PHLDB2: variants seen among roughly 807,000 people sequenced by gnomAD.
PHLDB2 encodes the protein pleckstrin homology like domain family B member 2, also known as pleckstrin homology-like domain family B member 2.
In PHLDB2, 71 loss-of-function variants were observed where a neutral mutation model predicts 123.6. That is an observed-to-expected ratio of 0.57 (90% CI 0.47 to 0.70). The LOEUF (loss-of-function observed/expected upper bound fraction) is 0.70. Ranked by LOEUF, PHLDB2 falls within the 30% of genes least tolerant of loss-of-function variation. The probability of loss-of-function intolerance (pLI) is 0.00; values close to 1 mark genes in which losing one functional copy is unlikely to be tolerated. For missense variants in PHLDB2, 1,446 were observed against 1,519.5 expected (o/e 0.95, Z 0.80); for synonymous variants, 547 against 541.6 (o/e 1.01, Z -0.14).
chr3:111,924,409 G>A (rs138320271), intron 5 of PHLDB2, among the ~76,000 whole-genome samples: 16 of 152,366 alleles, frequency 1.1e-4, no homozygotes, highest in East Asian at 3.9e-4. Context: ...GTGTGCTTAC[G>A]AATATTGTTG....
At chr3:111,948,878 G>A in intron 9 of PHLDB2, 54 bp from the exon 10 acceptor site, 11 of 1,570,716 alleles carry the variant, frequency 7.0e-6, no homozygotes, top group South Asian at 2.2e-5. Context: ...TAATACTCTC[G>A]CATGCCTCAG....
chr3:111,794,393 T>A (rs1038627013), intron 1 of PHLDB2, among the ~76,000 whole-genome samples: 1 of 152,202 alleles, frequency 6.6e-6, no homozygotes, highest in South Asian at 2.1e-4. Context: ...GTGTTGGCAA[T>A]TCAAGACAGT....
At chr3:111,955,032 A>G (rs563981636) in intron 12 of PHLDB2, among the ~76,000 whole-genome samples, 47 of 151,492 alleles carry the variant, frequency 3.1e-4, no homozygotes, top group African/African-American at 1.0e-3. Flanking sequence ...TCAGGGGAAA[A>G]TATATATATA....
chr3:111,817,013 T>A (rs1336284683), intron 1 of PHLDB2, among the ~76,000 whole-genome samples: 1 of 152,234 alleles, frequency 6.6e-6, no homozygotes, highest in African/African-American at 2.4e-5. Context: ...ACACCATCCA[T>A]GCAAGACATG....
At chr3:111,762,250 A>T (rs1576534716) in intron 1 of PHLDB2, among the ~76,000 whole-genome samples, 1 of 152,248 alleles carries the variant, frequency 6.6e-6, no homozygotes, top group East Asian at 1.9e-4. Flanking sequence ...ACTGTTGTGA[A>T]GTTTAAAGAA....
intron 1 of PHLDB2, among the ~76,000 whole-genome samples, chr3:111,747,978 G>C (rs771052995): frequency 6.6e-6 from 1 of 152,202 alleles, no homozygotes. Context: ...GTCCTACAGA[G>C]CTGGGATTAA....
chr3:111,891,899 G>A (rs1349192881), intron 2 of PHLDB2, among the ~76,000 whole-genome samples: 1 of 152,150 alleles, frequency 6.6e-6, no homozygotes, highest in Non-Finnish European at 1.5e-5. Context: ...AAACCCTGAT[G>A]CTTTTAAGAG....
In PHLDB2 at chr3:111,745,984, G is replaced by C. The variant is rs1452836717; in HGVS notation, c.-49+13281G>C. ...AGAAGCAGGAACAACATTTTTCAGA[G>C]TGCTTACCCCACATGGTTTCAGATT... On this transcript the variant is annotated intron_variant, in intron 1 of 17. Transcript: ENST00000393923. Among the ~76,000 whole-genome samples the C allele has an allele frequency of 2.6e-5, 4 of 152,228 alleles. No homozygotes were observed. The East Asian group carries it at 5.8e-4, about 22-fold the overall frequency.
In PHLDB2 at chr3:111,850,024, G is replaced by A. The variant is rs12488995; in HGVS notation, c.67+4089G>A. Among the ~76,000 whole-genome samples, 3,296 of 152,066 alleles carry A rather than the reference G, an allele frequency of 0.022. 245 individuals are homozygous for A. In the East Asian group the frequency reaches 0.23, roughly 11 times the overall value. ...CTACAGGCGCCCACCACCACACCCAGCTAATTTTTTGTATTTTTAGTAGAG... is the reference window on the plus strand; with the variant it reads ...CTACAGGCGCCCACCACCACACCCAACTAATTTTTTGTATTTTTAGTAGAG... On this transcript the variant is annotated intron_variant, in intron 2 of 17. Coordinates refer to the PHLDB2 transcript ENST00000393923.
At position 111,859,489 on chromosome 3, in the gene PHLDB2, G is replaced by A; in HGVS notation, c.-102G>A. The A allele has an allele frequency of 1.0e-6, 1 of 985,618 alleles. No homozygotes were observed. Among genetic ancestry groups the A allele is most frequent in the Non-Finnish European group, 1.2e-6 (1 of 830,064 alleles). The allele number at this position is 985,618 out of a possible 1,614,324, so 61.1% of individuals were successfully genotyped here. A position where few individuals can be genotyped will look rare whatever the true frequency, so the allele number is the denominator to read the frequency against. ...GAGCCCACCATTGCGGCCCGAGGGG[G>A]ACCCGACGGGGGCCCGACGGTGTGG... On this transcript the variant is annotated 5_prime_UTR_variant, in exon 1 of 18. Coordinates refer to ENST00000431670, the MANE Select transcript of PHLDB2 (RefSeq NM_001134438.2).
At chr3:111,904,405 C>A (rs998737798) in intron 2 of PHLDB2, among the ~76,000 whole-genome samples, 4 of 151,980 alleles carry the variant, frequency 2.6e-5, no homozygotes, top group African/African-American at 9.7e-5. Flanking sequence ...TTAAGCACTT[C>A]GCCTATTTCT....
intron 1 of PHLDB2, among the ~76,000 whole-genome samples, chr3:111,774,828 C>T (rs1036456705): frequency 2.6e-5 from 4 of 152,060 alleles, no homozygotes; most frequent in East Asian, 1.9e-4. Flanking sequence ...CTCCACAGCT[C>T]GGGTGTGGTT....
chr3:111,915,029 C>A (rs2068092414), intron 3 of PHLDB2: 1 of 151,670 alleles, frequency 6.6e-6, no homozygotes, highest in Non-Finnish European at 1.5e-5. Context: ...TTTTATTGGA[C>A]TAAAATTAGA....
chr3:111,929,980 C>T (rs557637598), intron 5 of PHLDB2, among the ~76,000 whole-genome samples: 2 of 149,242 alleles, frequency 1.3e-5, no homozygotes, highest in African/African-American at 2.5e-5. Context: ...GACACGATCT[C>T]GGCTCACTGC....
At chr3:111,883,964 G>A in intron 1 of PHLDB2, 100 bp from the exon 2 acceptor site, 1 of 1,143,106 alleles carries the variant, frequency 8.7e-7, no homozygotes, top group Non-Finnish European at 1.2e-6. Context: ...AGTTGCATTA[G>A]GTCAGACTGC....
intron 11 of PHLDB2, 146 bp downstream of exon 11, chr3:111,952,858 T>A: frequency 1.0e-6 from 1 of 1,002,332 alleles, no homozygotes; most frequent in East Asian, 2.7e-5. Context: ...CTAAATCTCA[T>A]TTTCTACCTG....
intron 2 of PHLDB2, among the ~76,000 whole-genome samples, chr3:111,895,892 C>CTATA (rs1253566878): frequency 6.6e-6 from 1 of 151,628 alleles, no homozygotes; most frequent in Non-Finnish European, 1.5e-5. Flanking sequence ...ATCTATCTAT[C>CTATA]TATCTATTTA....
intron 1 of PHLDB2, among the ~76,000 whole-genome samples, chr3:111,743,391 C>T (rs569618615): frequency 2.8e-4 from 42 of 152,300 alleles, no homozygotes; most frequent in African/African-American, 9.1e-4. Context: ...CAGTCCAGGG[C>T]TCGCATGCTC....
chr3:111,845,963 A>G, intron 2 of PHLDB2: 1 of 1,603,590 alleles, frequency 6.2e-7, no homozygotes, highest in Non-Finnish European at 8.5e-7. Flanking sequence ...AGAGGTTTTC[A>G]GTACATATTT....
Sources: allele counts gnomAD v4.1 joint callset (sites outside exome capture counted in the v4.1 genomes callset), GRCh38; gene constraint gnomAD v4.1.1; transcripts MANE v1.5; gene names NCBI Gene and HGNC (gene_info 2026-07-23, HGNC 2026-07-21).